Variants in RGS3 observed in about 807,000 individuals in gnomAD.
RGS3 encodes regulator of G protein signaling 3.
RGS3 carries 80 observed loss-of-function variants against 132.6 expected under a neutral mutation model. The observed-to-expected ratio is 0.60, with a 90% confidence interval of 0.50 to 0.73. The LOEUF is 0.73. Among genes scored for constraint, RGS3 ranks in the 30% least tolerant of loss-of-function variants. RGS3 has a pLI of 0.00. For missense variants in RGS3, 1,382 were observed against 1,530.8 expected, an observed-to-expected ratio of 0.90 and a Z score of 1.62; for synonymous variants, 598 against 620.6, an observed-to-expected ratio of 0.96 and a Z score of 0.54.
intron 19 of RGS3, among the ~76,000 whole-genome samples, chr9:113,544,530 A>T (rs1351456743): frequency 6.6e-6 from 1 of 152,284 alleles, no homozygotes; most frequent in East Asian, 1.9e-4. Flanking sequence ...TTTGTCACAC[A>T]TGGCACCAAG....
At chr9:113,526,925 C>A (rs958631197) in intron 17 of RGS3, among the ~76,000 whole-genome samples, 1 of 152,232 alleles carries the variant, frequency 6.6e-6, no homozygotes, top group Non-Finnish European at 1.5e-5. Context: ...GAATTTCTCT[C>A]CTGGGTCAGC....
At chr9:113,586,294 C>T (rs545993538) in intron 20 of RGS3, among the ~76,000 whole-genome samples, 26 of 152,320 alleles carry the variant, frequency 1.7e-4, no homozygotes, top group African/African-American at 5.8e-4. Flanking sequence ...CCCACTACAC[C>T]CTTCCCAGTT....
At chr9:113,497,213 G>A in intron 8 of RGS3, 101 bp from the exon 7 acceptor site, 1 of 846,894 alleles carries the variant, frequency 1.2e-6, no homozygotes. Context: ...TCTCTCCTGT[G>A]GGTGGGTGTC....
At chr9:113,577,713 C>T (rs185774669) in intron 19 of RGS3, among the ~76,000 whole-genome samples, 102 of 152,180 alleles carry the variant, frequency 6.7e-4, no homozygotes, top group Non-Finnish European at 9.8e-4. Flanking sequence ...GCTTCCTCCC[C>T]TAGTGAGCCC....
chr9:113,535,468 G>T (rs1229288966), intron 18 of RGS3, among the ~76,000 whole-genome samples: 1 of 152,208 alleles, frequency 6.6e-6, no homozygotes, highest in African/African-American at 2.4e-5. Context: ...ACTGCGCCCA[G>T]TCAATAAATA....
intron 19 of RGS3, among the ~76,000 whole-genome samples, chr9:113,548,390 C>A (rs1833200610): frequency 6.6e-6 from 1 of 152,218 alleles, no homozygotes; most frequent in South Asian, 2.1e-4. Flanking sequence ...TTGTCTAGTC[C>A]TCTGGCTTAT....
At chr9:113,536,614 TC>T in intron 18 of RGS3, 181 bp from the exon 17 acceptor site, 1 of 1,443,376 alleles carries the variant, frequency 6.9e-7, no homozygotes. Context: ...TGAACCCACT[TC>T]CCTGCGCCTC....
At chr9:113,577,467 C>T (rs1021607966) in intron 19 of RGS3, among the ~76,000 whole-genome samples, 7 of 152,134 alleles carry the variant, frequency 4.6e-5, no homozygotes, top group African/African-American at 1.7e-4. Flanking sequence ...AAAATGATGG[C>T]CAATTCCCTG....
Position 113,565,671 on chromosome 9 carries a change from C to T in RGS3, c.2038-17779C>T, listed in dbSNP as rs188175648. ...GGGAGGAGCCGGGTGGAAACCTGGGCGGGCGAGCTGGCAGGAGCGGCAGCC... is the reference window on the plus strand; with the variant it reads ...GGGAGGAGCCGGGTGGAAACCTGGGTGGGCGAGCTGGCAGGAGCGGCAGCC... On this transcript the variant is annotated intron_variant, in intron 19 of 24. Coordinates refer to ENST00000350696, the Ensembl canonical transcript of RGS3. This position sits in a 1 kb window ranked among gnomAD's most constrained non-coding sequence, Gnocchi z 5.7. 206 of 271,436 alleles carry T rather than the reference C, an allele frequency of 7.6e-4. No individual in the cohort carries two copies. Among genetic ancestry groups the T allele is most frequent in the Middle Eastern group, 2.8e-3 (2 of 702 alleles). The allele number at this position is 271,436 out of a possible 1,614,324, so 16.8% of individuals were successfully genotyped here. A position where few individuals can be genotyped will look rare whatever the true frequency, so the allele number is the denominator to read the frequency against.
intron 19 of RGS3, among the ~76,000 whole-genome samples, chr9:113,561,288 G>A (rs1360807027): frequency 6.6e-6 from 1 of 152,108 alleles, no homozygotes; most frequent in Non-Finnish European, 1.5e-5. Flanking sequence ...ACCTCCCAAA[G>A]TGCTGGGATT....
At chr9:113,541,286 A>C in intron 19 of RGS3, 1 of 1,604,522 alleles carries the variant, frequency 6.2e-7, no homozygotes, top group Non-Finnish European at 8.5e-7. Flanking sequence ...CTGAGTAGAC[A>C]GCGAGCTAAT....
chr9:113,485,620 C>T lies in RGS3; in HGVS notation c.621-5C>T, dbSNP rs763505511. 6.9e-6 allele frequency: 11 copies of T among 1,592,414 alleles called. No individual in the cohort carries two copies. In the East Asian group the frequency reaches 9.0e-5, roughly 13 times the overall value. ...AACACTCCGATGGTCTGATTGATTT[C>T]GCAGTCCTGTCCAAGAGGAGGATGA... On this transcript the variant is annotated splice_region_variant and splice_polypyrimidine_tract_variant and intron_variant, in intron 6 of 24. Coordinates refer to ENST00000350696, the Ensembl canonical transcript of RGS3.
chr9:113,508,452 C>A, intron 13 of RGS3, 89 bp from the exon 12 acceptor site: 1 of 1,458,564 alleles, frequency 6.9e-7, no homozygotes, highest in Non-Finnish European at 9.5e-7. Context: ...TCCACTTCCT[C>A]TCCCCTGGGG....
Position 113,565,236 on chromosome 9 carries a change from C to G in RGS3, c.2038-18214C>G. 7.8e-7 allele frequency: 1 copy of G among 1,284,468 alleles called. No individual in the cohort carries two copies. The highest frequency in any genetic ancestry group is 1.2e-5 in the South Asian group (1 of 80,352). 79.6% of individuals were successfully genotyped at this position (1,284,468 alleles called of 1,614,324 possible). On this transcript the variant is annotated intron_variant, in intron 19 of 24. Coordinates refer to ENST00000350696, the Ensembl canonical transcript of RGS3. This position sits in a 1 kb window ranked among gnomAD's most constrained non-coding sequence, Gnocchi z 5.7. Reference sequence around the variant, plus strand: ...CAGAAGGACGGGCTGGCCCAGGACCCTCTTCTTTGAGACATCCCGGACTCC... The same window carrying G: ...CAGAAGGACGGGCTGGCCCAGGACCGTCTTCTTTGAGACATCCCGGACTCC...
At chr9:113,533,005 AC>A (rs1282403115) in intron 18 of RGS3, among the ~76,000 whole-genome samples, 2 of 152,282 alleles carry the variant, frequency 1.3e-5, no homozygotes, top group East Asian at 3.9e-4. Context: ...TGGCAGCCTG[AC>A]CAGGTGATGA....
chr9:113,555,922 C>T (rs963378355), intron 19 of RGS3, among the ~76,000 whole-genome samples: 7 of 152,184 alleles, frequency 4.6e-5, no homozygotes, highest in Non-Finnish European at 1.0e-4. Flanking sequence ...CTTGACTTCT[C>T]GATTTTAATT....
At chr9:113,540,384 CAG>C (rs1832853333) in intron 19 of RGS3, among the ~76,000 whole-genome samples, 1 of 152,282 alleles carries the variant, frequency 6.6e-6, no homozygotes, top group East Asian at 1.9e-4. Flanking sequence ...TTTGGGATCA[CAG>C]AGATGAATGA....
At chr9:113,485,055 G>C (rs571456460) in intron 6 of RGS3, among the ~76,000 whole-genome samples, 76 of 151,656 alleles carry the variant, frequency 5.0e-4, no homozygotes, top group Non-Finnish European at 8.5e-4. Context: ...TTGCATGTGT[G>C]TGTGTATATG....
At chr9:113,509,283 TAA>T (rs80336967) in intron 14 of RGS3, among the ~76,000 whole-genome samples, 6 of 139,852 alleles carry the variant, frequency 4.3e-5, no homozygotes, top group East Asian at 2.1e-4. Context: ...AGACTCTGTC[TAA>T]AAAAAAAAAA....
Sources: allele counts gnomAD v4.1 joint callset (sites outside exome capture counted in the v4.1 genomes callset), GRCh38; gene constraint gnomAD v4.1.1; non-coding constraint Gnocchi (gnomAD v3.1); transcripts MANE v1.5; gene names NCBI Gene and HGNC (gene_info 2026-07-23, HGNC 2026-07-21).